SHISA9: variants seen among roughly 807,000 people sequenced by gnomAD.
The protein encoded by SHISA9 is shisa family member 9.
Under a neutral mutation model 38.0 loss-of-function variants are expected in SHISA9, and 13 were observed. The ratio of observed to expected loss-of-function variants is 0.34; its 90% confidence interval spans 0.22 to 0.54. SHISA9 has a LOEUF of 0.54. SHISA9 is among the 20% of genes least tolerant of loss of function. The probability of loss-of-function intolerance (pLI) is 0.91; values close to 1 mark genes in which losing one functional copy is unlikely to be tolerated. For missense variants in SHISA9, 538 were observed against 575.8 expected (o/e 0.93, Z 0.67); for synonymous variants, 275 against 242.0 (o/e 1.14, Z -1.27).
intron 2 of SHISA9, among the ~76,000 whole-genome samples, chr16:12,994,432 G>A (rs553354138): frequency 3.9e-4 from 59 of 152,318 alleles, no homozygotes; most frequent in Non-Finnish European, 6.5e-4. Flanking sequence ...ATTGTAATAT[G>A]AGCAGAACTG....
chr16:12,901,938 C>T lies in SHISA9; in HGVS notation c.-127C>T. ...ACCACCGAGCGCCCCGCGCCGCTCC[C>T]TGCATGTGCGGCCCGCGGCGGCTCG... On this transcript the variant is annotated 5_prime_UTR_variant, in exon 1 of 5. Coordinates refer to ENST00000558583, the MANE Select transcript of SHISA9 (RefSeq NM_001145204.3). The T allele has an allele frequency of 1.4e-6, 1 of 705,844 alleles. No homozygotes were observed. The highest frequency in any genetic ancestry group is 4.2e-5 in the South Asian group (1 of 23,900). 43.7% of individuals were successfully genotyped at this position (705,844 alleles called of 1,614,324 possible). A position where few individuals can be genotyped will look rare whatever the true frequency, so the allele number is the denominator to read the frequency against.
intron 2 of SHISA9, among the ~76,000 whole-genome samples, chr16:12,970,405 A>ATATATATACATATATG (rs1567357064): frequency 1.6e-3 from 12 of 7,734 alleles, no homozygotes; most frequent in Non-Finnish European, 2.4e-3. Context: ...ATATATATAC[A>ATATATATACATATATG]TATATATATA....
intron 2 of SHISA9, among the ~76,000 whole-genome samples, chr16:13,013,303 GCC>G (rs902723566): frequency 6.6e-6 from 1 of 152,154 alleles, no homozygotes; most frequent in African/African-American, 2.4e-5. Flanking sequence ...GAAATGATGG[GCC>G]CAGAGTCAAG....
intron 1 of SHISA9, chr16:12,908,419 T>C: frequency 6.5e-7 from 1 of 1,544,250 alleles, no homozygotes. Flanking sequence ...GTTTTGCAAT[T>C]TTGCCATAAG....
At chr16:13,359,096 G>GTCCAGTTTTAGATTC in the SHISA9 span, among the ~76,000 whole-genome samples, 123,906 of 151,824 alleles carry the variant, frequency 0.82, 50,708 homozygotes, top group East Asian at 0.96. Flanking sequence ...GAAGAAGAAT[G>GTCCAGTTTTAGATTC]TCCAGTTTTA....
chr16:12,986,771 G>A (rs760528938), intron 2 of SHISA9, among the ~76,000 whole-genome samples: 22 of 152,188 alleles, frequency 1.4e-4, no homozygotes, highest in East Asian at 3.8e-4. Context: ...ACAATTCTAC[G>A]AAGGAGAAGA....
intron 1 of SHISA9, 171 bp downstream of exon 1, chr16:12,902,798 G>T: frequency 3.0e-6 from 2 of 668,090 alleles, no homozygotes; most frequent in Non-Finnish European, 2.5e-6. Context: ...CGGAGAAGGG[G>T]CGCTGGGCTC....
the SHISA9 span, among the ~76,000 whole-genome samples, chr16:13,365,135 C>T: frequency 1.3e-5 from 2 of 152,088 alleles, no homozygotes; most frequent in Non-Finnish European, 2.9e-5. Context: ...ATGCATTTTC[C>T]AGACTTTCAA....
chr16:12,953,775 C>T (rs761288030), intron 2 of SHISA9, among the ~76,000 whole-genome samples: 1 of 152,158 alleles, frequency 6.6e-6, no homozygotes, highest in Non-Finnish European at 1.5e-5. Context: ...GTTTAATTGA[C>T]TCAGTTTTAC....
the SHISA9 span, among the ~76,000 whole-genome samples, chr16:13,256,543 G>C: frequency 7.2e-5 from 11 of 152,206 alleles, no homozygotes; most frequent in Non-Finnish European, 1.3e-4. Context: ...GCCTACTAAA[G>C]TGCTGGGATT....
chr16:13,259,777 T>C, the SHISA9 span, among the ~76,000 whole-genome samples: 1 of 152,042 alleles, frequency 6.6e-6, no homozygotes, highest in Non-Finnish European at 1.5e-5. Context: ...GGGAATCAAG[T>C]CCCTAGGCTG....
At chr16:13,161,299 T>C (rs1284908426) in intron 2 of SHISA9, among the ~76,000 whole-genome samples, 1 of 152,030 alleles carries the variant, frequency 6.6e-6, no homozygotes, top group Admixed American at 6.6e-5. Flanking sequence ...AGGATATCTT[T>C]CCCCCCTGCT....
chr16:13,184,786 C>A (rs2050806526), intron 2 of SHISA9, among the ~76,000 whole-genome samples: 1 of 152,126 alleles, frequency 6.6e-6, no homozygotes, highest in Non-Finnish European at 1.5e-5. Flanking sequence ...ATTTTTAATT[C>A]CTGAGTGTAA....
chr16:12,925,636 T>G (rs2071384557), intron 2 of SHISA9, among the ~76,000 whole-genome samples: 1 of 152,220 alleles, frequency 6.6e-6, no homozygotes, highest in Non-Finnish European at 1.5e-5. Context: ...TAGGACTATT[T>G]GTAAAGAAAG....
the SHISA9 span, among the ~76,000 whole-genome samples, chr16:13,351,223 C>A: frequency 6.6e-6 from 1 of 152,142 alleles, no homozygotes; most frequent in Admixed American, 6.5e-5. Flanking sequence ...TAGTCCCTTA[C>A]CTACACTGCC....
chr16:13,098,715 G>T (rs1266319118), intron 2 of SHISA9, among the ~76,000 whole-genome samples: 8 of 152,328 alleles, frequency 5.3e-5, no homozygotes, highest in Admixed American at 5.2e-4. Context: ...CATCCACTCT[G>T]TGCATGTGGC....
intron 2 of SHISA9, among the ~76,000 whole-genome samples, chr16:12,986,745 C>G (rs1262252346): frequency 6.6e-6 from 1 of 152,188 alleles, no homozygotes; most frequent in Non-Finnish European, 1.5e-5. Context: ...TGAGGGTTTT[C>G]TCTTATTTAG....
At chr16:13,466,648 C>G in the SHISA9 span, among the ~76,000 whole-genome samples, 1 of 152,172 alleles carries the variant, frequency 6.6e-6, no homozygotes, top group South Asian at 2.1e-4. Flanking sequence ...AAGATTGTAA[C>G]TGTAATGAGT....
the SHISA9 span, among the ~76,000 whole-genome samples, chr16:13,378,151 G>T: frequency 6.6e-6 from 1 of 152,158 alleles, no homozygotes; most frequent in Non-Finnish European, 1.5e-5. Flanking sequence ...TGTTACTTAG[G>T]GATAGAACTC....
Sources: allele counts gnomAD v4.1 joint callset (sites outside exome capture counted in the v4.1 genomes callset), GRCh38; gene constraint gnomAD v4.1.1; transcripts MANE v1.5; gene names NCBI Gene and HGNC (gene_info 2026-07-23, HGNC 2026-07-21).